The following CD96 variants were observed in gnomAD, a reference collection of about 807,000 sequenced individuals.
CD96 encodes CD96 molecule.
A neutral mutation model predicts 71.3 loss-of-function variants in CD96; 70 were observed. That is an observed-to-expected ratio of 0.98 (90% CI 0.81 to 1.20). CD96 has a LOEUF of 1.20. Ranked by LOEUF, CD96 falls within the 50% of genes most tolerant of loss-of-function variation. The pLI is 0.00. For synonymous variants in CD96, 248 were observed against 233.0 expected (o/e 1.06, Z -0.59); for missense variants, 742 against 677.5 (o/e 1.10, Z -1.06).
At chr3:111,591,668 G>T (rs1177470900) in intron 5 of CD96, among the ~76,000 whole-genome samples, 1 of 152,142 alleles carries the variant, frequency 6.6e-6, no homozygotes, top group East Asian at 1.9e-4. Context: ...TTGCACTGGT[G>T]AGCACCTGAG....
chr3:111,546,919 T>TACACACACACACACACGCACAC (rs1934434896), intron 2 of CD96, among the ~76,000 whole-genome samples: 1 of 138,088 alleles, frequency 7.2e-6, no homozygotes, highest in Non-Finnish European at 1.6e-5. Context: ...CACAGACACA[T>TACACACACACACACACGCACAC]ACACACACAC....
At chr3:111,554,533 C>T (rs988729793) in intron 2 of CD96, among the ~76,000 whole-genome samples, 3 of 151,940 alleles carry the variant, frequency 2.0e-5, no homozygotes, top group South Asian at 2.1e-4. Flanking sequence ...CTTGCTCCAC[C>T]GTATCTCCTC....
intron 13 of CD96, among the ~76,000 whole-genome samples, chr3:111,647,967 AT>A (rs2107788713): frequency 6.6e-6 from 1 of 152,084 alleles, no homozygotes; most frequent in South Asian, 2.1e-4. Context: ...ACTAAAACTG[AT>A]TTTTCTTTTA....
intron 8 of CD96, among the ~76,000 whole-genome samples, chr3:111,611,769 G>A (rs1576388465): frequency 2.0e-5 from 3 of 152,298 alleles, no homozygotes; most frequent in South Asian, 2.1e-4. Context: ...AAGCAAAGGC[G>A]TAAAACAAAA....
intron 2 of CD96, among the ~76,000 whole-genome samples, chr3:111,549,815 G>T (rs982764011): frequency 2.0e-5 from 3 of 152,148 alleles, no homozygotes; most frequent in Non-Finnish European, 4.4e-5. Context: ...AAATTATTTT[G>T]CATTTAATCT....
At chr3:111,612,609 A>G (rs1938007539) in intron 8 of CD96, among the ~76,000 whole-genome samples, 1 of 152,214 alleles carries the variant, frequency 6.6e-6, no homozygotes, top group African/African-American at 2.4e-5. Flanking sequence ...AAGAGGTTAA[A>G]TAACTCACCC....
intron 10 of CD96, among the ~76,000 whole-genome samples, chr3:111,625,410 T>C (rs979755944): frequency 6.6e-6 from 1 of 152,048 alleles, no homozygotes; most frequent in Non-Finnish European, 1.5e-5. Flanking sequence ...ATGAACCCAG[T>C]ACCCAAATAT....
intron 2 of CD96, among the ~76,000 whole-genome samples, chr3:111,555,151 C>T (rs1207018780): frequency 7.2e-6 from 1 of 138,582 alleles, no homozygotes; most frequent in Non-Finnish European, 1.5e-5. Context: ...CGGACAAGTA[C>T]CAGTCCATGG....
At chr3:111,589,968 G>T (rs1936902213) in intron 5 of CD96, among the ~76,000 whole-genome samples, 1 of 152,150 alleles carries the variant, frequency 6.6e-6, no homozygotes, top group Non-Finnish European at 1.5e-5. Flanking sequence ...TTCTTAGGAA[G>T]GTTAAATTTA....
intron 10 of CD96, among the ~76,000 whole-genome samples, chr3:111,626,726 A>G (rs1467708160): frequency 6.6e-6 from 1 of 152,230 alleles, no homozygotes; most frequent in Admixed American, 6.5e-5. Flanking sequence ...GTATACTAAT[A>G]AAATATAATA....
intron 12 of CD96, among the ~76,000 whole-genome samples, chr3:111,645,731 A>G (rs949462540): frequency 6.6e-6 from 1 of 152,120 alleles, no homozygotes; most frequent in Non-Finnish European, 1.5e-5. Context: ...TCATCTGTAT[A>G]TACAATGTGT....
Position 111,567,536 on chromosome 3 carries a change from A to G in CD96, c.432A>G (p.Glu144=). Residue 144 remains glutamate (E), a synonymous_variant, in exon 3 of 14, where the codon GAA becomes GAG. Coordinates refer to ENST00000352690, the MANE Select transcript of CD96 (RefSeq NM_005816.5). ...GTTTTGTTACAGTTACAGCAGATGA[A>G]TGGAACAGCAACCATACGATAGAAA... is the stretch of plus-strand genomic sequence containing the variant. ...LLIQTHVTAD[E]WNSNHTIEIE... The G allele has an allele frequency of 6.2e-7, 1 of 1,605,354 alleles. No homozygotes were observed. Among genetic ancestry groups the G allele is most frequent in the Non-Finnish European group, 8.5e-7 (1 of 1,172,206 alleles).
At chr3:111,578,567 G>A (rs1054730210) in intron 3 of CD96, among the ~76,000 whole-genome samples, 5 of 152,206 alleles carry the variant, frequency 3.3e-5, no homozygotes, top group Non-Finnish European at 5.9e-5. Flanking sequence ...CAGGCTCGGG[G>A]AGGAGCTGAC....
chr3:111,543,666 T>C (rs1356408059), intron 1 of CD96, among the ~76,000 whole-genome samples: 1 of 152,212 alleles, frequency 6.6e-6, no homozygotes, highest in East Asian at 1.9e-4. Flanking sequence ...CTAAGAAATT[T>C]AAGTAGCCCC....
At chr3:111,584,585 C>T (rs1025667418) in intron 4 of CD96, among the ~76,000 whole-genome samples, 1 of 152,078 alleles carries the variant, frequency 6.6e-6, no homozygotes, top group Admixed American at 6.5e-5. Flanking sequence ...AATCATGGTG[C>T]GTGGTGAAAG....
chr3:111,653,037 C>T (rs921628472), downstream of CD96, among the ~76,000 whole-genome samples: 11 of 152,154 alleles, frequency 7.2e-5, no homozygotes, highest in African/African-American at 2.4e-4. Flanking sequence ...CGTTTCCTTA[C>T]CCACCTGCAC....
At chr3:111,565,191 A>G (rs971168154) in intron 2 of CD96, among the ~76,000 whole-genome samples, 6 of 152,180 alleles carry the variant, frequency 3.9e-5, no homozygotes, top group African/African-American at 1.2e-4. Flanking sequence ...TCTAAGATCC[A>G]TCAGAAGCCC....
intron 2 of CD96, among the ~76,000 whole-genome samples, chr3:111,551,784 G>A (rs1343309629): frequency 6.6e-6 from 1 of 152,120 alleles, no homozygotes; most frequent in African/African-American, 2.4e-5. Flanking sequence ...ATTTATAACA[G>A]AATGATTTAT....
At chr3:111,655,080 T>A (rs1286260672), downstream of CD96, among the ~76,000 whole-genome samples, 2 of 152,240 alleles carry the variant, frequency 1.3e-5, no homozygotes, top group African/African-American at 4.8e-5. Flanking sequence ...TTTGCATCAC[T>A]GGTTTGAGAT....
Sources: gnomAD v4.1 joint callset for allele counts (sites outside exome capture counted in the v4.1 genomes callset) on GRCh38, gnomAD v4.1.1 for gene constraint, MANE v1.5 for transcripts, NCBI Gene and HGNC (gene_info 2026-07-23, HGNC 2026-07-21) for gene names.